RGL1: variants seen among roughly 807,000 people sequenced by gnomAD.
RGL1 encodes ral guanine nucleotide dissociation stimulator-like 1.
Under a neutral mutation model 95.2 loss-of-function variants are expected in RGL1, and 24 were observed. The observed-to-expected ratio is 0.25, with a 90% confidence interval of 0.18 to 0.35. The LOEUF is 0.35. Ranked by LOEUF, RGL1 falls within the 10% of genes least tolerant of loss-of-function variation. The pLI is 1.00. For synonymous variants in RGL1, 329 were observed against 344.9 expected, an observed-to-expected ratio of 0.95 and a Z score of 0.51; for missense variants, 715 against 936.3, an observed-to-expected ratio of 0.76 and a Z score of 3.08.
At chr1:183,840,712 TAAATAAATAAA>T (rs1663999154) in intron 2 of RGL1, among the ~76,000 whole-genome samples, 4 of 62,582 alleles carry the variant, frequency 6.4e-5, no homozygotes. Context: ...AATAAATAAA[TAAATAAATAAA>T]TAATAAATAA....
intron 2 of RGL1, among the ~76,000 whole-genome samples, chr1:183,774,695 C>G (rs986803187): frequency 6.6e-6 from 1 of 151,450 alleles, no homozygotes; most frequent in Non-Finnish European, 1.5e-5. Context: ...TCTGCTTCAG[C>G]CTCCCGAGTA....
At chr1:183,863,104 A>G (rs76365646) in intron 3 of RGL1, among the ~76,000 whole-genome samples, 8,139 of 152,124 alleles carry the variant, frequency 0.054, 523 homozygotes, top group African/African-American at 0.16. Context: ...GCACAGATTC[A>G]GAGGCAGGAG....
Position 183,857,020 on chromosome 1 carries a change from G to A in RGL1, c.348-8976G>A, listed in dbSNP as rs113209625. The stretch of plus-strand genomic sequence containing the variant: ...AATATGTTAGGTTATATGCAAAGGG[G>A]AATTGAGGTTGCAGATGGAATTAAG... On this transcript the variant is annotated intron_variant, in intron 3 of 17. Transcript: ENST00000360851. Among the ~76,000 whole-genome samples, 302 of 152,270 alleles carry A rather than the reference G, an allele frequency of 2.0e-3. 1 individual carries two copies. Among genetic ancestry groups the A allele is most frequent in the African/African-American group, 7.0e-3 (292 of 41,542 alleles).
At chr1:183,891,950 C>T (rs549184106) in intron 8 of RGL1, 127 bp from the exon 9 acceptor site, 5 of 643,268 alleles carry the variant, frequency 7.8e-6, no homozygotes, top group South Asian at 3.9e-5. Context: ...TCTGTGCTTA[C>T]AGTACCCACC....
intron 2 of RGL1, among the ~76,000 whole-genome samples, chr1:183,798,632 T>C (rs1474433932): frequency 1.3e-5 from 2 of 152,148 alleles, no homozygotes; most frequent in East Asian, 1.9e-4. Flanking sequence ...CACTGTGTTA[T>C]AGACCTGTAG....
chr1:183,848,012 A>C (rs962787315), intron 3 of RGL1, among the ~76,000 whole-genome samples: 1 of 152,216 alleles, frequency 6.6e-6, no homozygotes, highest in African/African-American at 2.4e-5. Context: ...TGGATACCTT[A>C]AATCTAGATT....
Position 183,640,097 on chromosome 1 carries a change from G to A in RGL1, c.-33+3596G>A, listed in dbSNP as rs537135567. Among the ~76,000 whole-genome samples, 4 of 152,162 alleles carry A rather than the reference G, an allele frequency of 2.6e-5. No homozygotes were observed. In the East Asian group the frequency reaches 7.7e-4, roughly 29 times the overall value. On this transcript the variant is annotated intron_variant, in intron 1 of 18. Coordinates refer to the RGL1 transcript ENST00000304685. ...CCTTGTCTGCCCGCCTTGGGCTCCC[G>A]AAGTGCTGGGATTACAGGTGTGAGC...
intron 3 of RGL1, among the ~76,000 whole-genome samples, chr1:183,860,733 A>T (rs1665460268): frequency 6.6e-6 from 1 of 152,162 alleles, no homozygotes; most frequent in African/African-American, 2.4e-5. Flanking sequence ...TCTCTGACTT[A>T]GTATATATTA....
Position 183,693,107 on chromosome 1 carries a change from AC to A in RGL1, c.-32-49017del, listed in dbSNP as rs200527830. 8.5e-3 allele frequency among the ~76,000 whole-genome samples: 1,290 copies of A among 152,158 alleles called. 22 individuals carry two copies. The highest frequency in any genetic ancestry group is 0.029 in the African/African-American group (1,197 of 41,496). On this transcript the variant is annotated intron_variant, in intron 1 of 18. Transcript: ENST00000304685. ...GTAGCTGGGACTGCAGGCGTGTGCCACCACACCCGGCTAATTTTTTGTGTTT... is the reference window on the plus strand; with the variant it reads ...GTAGCTGGGACTGCAGGCGTGTGCCACACACCCGGCTAATTTTTTGTGTTT...
intron 3 of RGL1, among the ~76,000 whole-genome samples, chr1:183,856,700 G>C (rs1221484897): frequency 6.6e-6 from 1 of 151,078 alleles, no homozygotes; most frequent in Non-Finnish European, 1.5e-5. Flanking sequence ...AGATAAATTG[G>C]ACTTAGATCT....
chr1:183,779,943 A>G (rs1659811989), intron 2 of RGL1, among the ~76,000 whole-genome samples: 1 of 152,230 alleles, frequency 6.6e-6, no homozygotes, highest in African/African-American at 2.4e-5. Flanking sequence ...AATTCATAAA[A>G]GAGAAAATCA....
intron 12 of RGL1, among the ~76,000 whole-genome samples, chr1:183,903,714 A>G (rs1668158840): frequency 6.6e-6 from 1 of 152,224 alleles, no homozygotes; most frequent in African/African-American, 2.4e-5. Context: ...AGAAGTATAT[A>G]GGTGGGGTAT....
At chr1:183,666,106 A>AG (rs1023594231) in intron 1 of RGL1, among the ~76,000 whole-genome samples, 2 of 151,062 alleles carry the variant, frequency 1.3e-5, no homozygotes, top group African/African-American at 4.9e-5. Flanking sequence ...CCTGGGTTCA[A>AG]GTGATTCTCC....
intron 2 of RGL1, among the ~76,000 whole-genome samples, chr1:183,785,094 G>A (rs986190631): frequency 9.9e-5 from 15 of 151,998 alleles, no homozygotes; most frequent in South Asian, 2.1e-4. Flanking sequence ...TCCATATTGC[G>A]GTTAGAACTT....
intron 3 of RGL1, among the ~76,000 whole-genome samples, chr1:183,856,536 C>T (rs1572510189): frequency 1.3e-5 from 2 of 149,328 alleles, no homozygotes; most frequent in South Asian, 2.1e-4. Flanking sequence ...ACATCATGCC[C>T]TGTTCAGTTT....
intron 2 of RGL1, among the ~76,000 whole-genome samples, chr1:183,828,394 T>C (rs369411753): frequency 6.6e-6 from 1 of 152,300 alleles, no homozygotes; most frequent in East Asian, 1.9e-4. Context: ...ATTTACAGCA[T>C]CTGACATGGA....
At chr1:183,794,733 T>A (rs1412239968) in intron 2 of RGL1, among the ~76,000 whole-genome samples, 1 of 152,236 alleles carries the variant, frequency 6.6e-6, no homozygotes, top group African/African-American at 2.4e-5. Flanking sequence ...AGACTCCTCT[T>A]TCTTCCTCCC....
Position 183,904,895 on chromosome 1 carries a change from A to G in RGL1, c.1396A>G (p.Asn466Asp), listed in dbSNP as rs761413671. The G allele has an allele frequency of 6.2e-7, 1 of 1,613,920 alleles. No individual in the cohort carries two copies. The highest frequency in any genetic ancestry group is 8.5e-7 in the Non-Finnish European group (1 of 1,179,902). The change falls in exon 13 of 18, where the codon AAC becomes GAC. Residue 466 changes from asparagine (N) to aspartate (D), a missense_variant. Physicochemically the swap from Asn to Asp is conservative, Grantham distance 23 (BLOSUM62 1). Around this residue, in one of 3 missense-constraint regions of RGL1, gnomAD observed 330 missense variants for 429.6 expected, o/e 0.77. Coordinates refer to ENST00000360851, the MANE Select transcript of RGL1 (RefSeq NM_001297671.3). ...GATAAAGCTCTTACAGTCTGCCTGC[A>G]ACAGCTATTGCATGACCCCAGACCA... ...AQIKLLQSAC[N>D]SYCMTPDQKF...
intron 2 of RGL1, among the ~76,000 whole-genome samples, chr1:183,794,513 G>T (rs1660599244): frequency 6.6e-6 from 1 of 152,192 alleles, no homozygotes; most frequent in South Asian, 2.1e-4. Flanking sequence ...ACTGCACATT[G>T]TATGCATTTA....
Sources: gnomAD v4.1 joint callset for allele counts (sites outside exome capture counted in the v4.1 genomes callset) on GRCh38, gnomAD v4.1.1 for gene constraint, gnomAD v4.1.1 regional missense constraint, MANE v1.5 for transcripts, NCBI Gene and HGNC (gene_info 2026-07-23, HGNC 2026-07-21) for gene names.